Variants in DPYD observed in about 807,000 individuals in gnomAD.
DPYD encodes dihydropyrimidine dehydrogenase [NADP(+)].
A neutral mutation model predicts 116.2 loss-of-function variants in DPYD; 109 were observed. That is an observed-to-expected ratio of 0.94 (90% confidence interval 0.80 to 1.10). The LOEUF (loss-of-function observed/expected upper bound fraction) is 1.10. Ranked by LOEUF, DPYD falls within the 50% of genes least tolerant of loss-of-function variation. DPYD has a pLI of 0.00. For missense variants in DPYD, 1,302 were observed against 1,254.5 expected (o/e 1.04, Z -0.57); for synonymous variants, 440 against 432.0 (o/e 1.02, Z -0.23).
At chr1:97,392,578 C>T (rs1672767044) in intron 14 of DPYD, among the ~76,000 whole-genome samples, 1 of 152,000 alleles carries the variant, frequency 6.6e-6, no homozygotes, top group African/African-American at 2.4e-5. Context: ...GAACTTCTTT[C>T]AATCCTCTTA....
intron 8 of DPYD, among the ~76,000 whole-genome samples, chr1:97,630,979 T>C (rs1190148892): frequency 6.6e-6 from 1 of 152,142 alleles, no homozygotes; most frequent in Non-Finnish European, 1.5e-5. Context: ...CTTGATTTGT[T>C]TCATTCCAGG....
At chr1:97,144,967 T>C (rs577012361) in intron 20 of DPYD, among the ~76,000 whole-genome samples, 7 of 152,250 alleles carry the variant, frequency 4.6e-5, no homozygotes, top group Non-Finnish European at 7.4e-5. Flanking sequence ...AAAAGGAAGA[T>C]ATGCAGAGAT....
intron 19 of DPYD, among the ~76,000 whole-genome samples, chr1:97,196,609 T>C (rs1415078523): frequency 6.6e-6 from 1 of 152,276 alleles, no homozygotes; most frequent in South Asian, 2.1e-4. Flanking sequence ...GGCACTTTGT[T>C]AGCACTTTTA....
chr1:97,619,096 T>G (rs1218496915), intron 8 of DPYD, among the ~76,000 whole-genome samples: 1 of 152,178 alleles, frequency 6.6e-6, no homozygotes, highest in Non-Finnish European at 1.5e-5. Flanking sequence ...TTATAAGGAT[T>G]ATATACTTTG....
chr1:97,164,698 T>C (rs1298372343), intron 20 of DPYD, among the ~76,000 whole-genome samples: 1 of 151,920 alleles, frequency 6.6e-6, no homozygotes, highest in Admixed American at 6.6e-5. Context: ...AAGAATAAAA[T>C]ACCTAGGAAT....
At chr1:97,159,978 C>T (rs1570574736) in intron 20 of DPYD, among the ~76,000 whole-genome samples, 2 of 151,754 alleles carry the variant, frequency 1.3e-5, no homozygotes, top group Admixed American at 6.6e-5. Flanking sequence ...TTTCTTTTAT[C>T]GTAGAGAAAG....
intron 15 of DPYD, 37 bp downstream of exon 15, chr1:97,382,356 A>T (rs780473520): frequency 2.3e-6 from 3 of 1,304,654 alleles, no homozygotes; most frequent in South Asian, 1.5e-5. Context: ...AATAGGAGAG[A>T]AGAAATAAAA....
chr1:97,736,236 A>G (rs1485947967), intron 4 of DPYD, among the ~76,000 whole-genome samples: 1 of 152,086 alleles, frequency 6.6e-6, no homozygotes, highest in African/African-American at 2.4e-5. Context: ...TCATTTTTCA[A>G]TAGTAGCATT....
intron 20 of DPYD, among the ~76,000 whole-genome samples, chr1:97,190,061 C>A (rs1658251595): frequency 6.6e-6 from 1 of 152,002 alleles, no homozygotes; most frequent in South Asian, 2.1e-4. Flanking sequence ...AGTAACTTGC[C>A]CAAGTTGTCT....
intron 4 of DPYD, among the ~76,000 whole-genome samples, chr1:97,738,691 G>C (rs966609014): frequency 1.4e-5 from 2 of 141,404 alleles, no homozygotes. Context: ...AATTAGGAGA[G>C]TTTTTTTTTT....
intron 13 of DPYD, among the ~76,000 whole-genome samples, chr1:97,484,595 C>G (rs1678515175): frequency 6.6e-6 from 1 of 152,162 alleles, no homozygotes; most frequent in Admixed American, 6.5e-5. Flanking sequence ...TTTATTCGCT[C>G]TGACTTCTCC....
chr1:97,178,476 G>A (rs779982348), intron 20 of DPYD, among the ~76,000 whole-genome samples: 1 of 152,136 alleles, frequency 6.6e-6, no homozygotes, highest in African/African-American at 2.4e-5. Context: ...GATGAGTGAA[G>A]AGGGAAGAGC....
chr1:97,756,438 T>A (rs1454550197), intron 3 of DPYD, among the ~76,000 whole-genome samples: 1 of 152,104 alleles, frequency 6.6e-6, no homozygotes, highest in African/African-American at 2.4e-5. Flanking sequence ...ATTCCTCACA[T>A]CTAAAATGGA....
chr1:97,229,736 C>A (rs533675137), intron 19 of DPYD, among the ~76,000 whole-genome samples: 2 of 151,862 alleles, frequency 1.3e-5, no homozygotes, highest in East Asian at 3.9e-4. Flanking sequence ...GCAATAAATT[C>A]TCCTAGGTAT....
chr1:97,480,057 A>G (rs993956120), intron 13 of DPYD, among the ~76,000 whole-genome samples: 1 of 152,182 alleles, frequency 6.6e-6, no homozygotes, highest in Non-Finnish European at 1.5e-5. Flanking sequence ...CCTGAAAAAT[A>G]TATTTCTCAG....
At chr1:97,224,325 T>C (rs904542813) in intron 19 of DPYD, among the ~76,000 whole-genome samples, 1 of 152,064 alleles carries the variant, frequency 6.6e-6, no homozygotes, top group African/African-American at 2.4e-5. Context: ...AGTACCCAGA[T>C]TACTCTCTAG....
chr1:97,884,536 T>C (rs1672387756), intron 1 of DPYD, among the ~76,000 whole-genome samples: 1 of 152,044 alleles, frequency 6.6e-6, no homozygotes, highest in Non-Finnish European at 1.5e-5. Context: ...GATTCAGATA[T>C]AAATTAAAAA....
chr1:97,131,315 G>A (rs1653321372), intron 20 of DPYD, among the ~76,000 whole-genome samples: 1 of 152,156 alleles, frequency 6.6e-6, no homozygotes, highest in Non-Finnish European at 1.5e-5. Context: ...GTGAGGTAAT[G>A]TGTGGTATTT....
intron 3 of DPYD, among the ~76,000 whole-genome samples, chr1:97,826,923 T>C (rs1669269245): frequency 6.6e-6 from 1 of 152,116 alleles, no homozygotes. Context: ...TATTCCTCTT[T>C]TTGTGACATC....
Sources: allele counts gnomAD v4.1 joint callset (sites outside exome capture counted in the v4.1 genomes callset), GRCh38; gene constraint gnomAD v4.1.1; transcripts MANE v1.5; gene names NCBI Gene and HGNC (gene_info 2026-07-23, HGNC 2026-07-21).